DHRS12: variants seen among roughly 807,000 people sequenced by gnomAD.
DHRS12 encodes dehydrogenase/reductase 12, also known as dehydrogenase/reductase SDR family member 12.
DHRS12 carries 29 observed loss-of-function variants against 32.1 expected under a neutral mutation model. The observed-to-expected ratio is 0.90, with a 90% confidence interval of 0.67 to 1.23. The LOEUF is 1.23. DHRS12 is among the 50% of genes most tolerant of loss of function. The pLI is 0.00. For missense variants in DHRS12, 330 were observed against 337.2 expected, an observed-to-expected ratio of 0.98 and a Z score of 0.17; for synonymous variants, 150 against 135.9, an observed-to-expected ratio of 1.10 and a Z score of -0.72.
At chr13:51,774,456 TGTATTCTCCTACA>T (rs1187207425) in intron 5 of DHRS12, 108 of 95,710 alleles carry the variant, frequency 1.1e-3, no homozygotes, top group Non-Finnish European at 1.5e-3. Context: ...CTACAGTACA[TGTATTCTCCTACA>T]GTATTCTCCT....
chr13:51,793,458 A>G (rs1391157682), intron 2 of DHRS12, among the ~76,000 whole-genome samples: 1 of 152,180 alleles, frequency 6.6e-6, no homozygotes, highest in Non-Finnish European at 1.5e-5. Context: ...ATTTATTTCT[A>G]CTCATCTTAA....
chr13:51,755,686 T>A, the DHRS12 span, among the ~76,000 whole-genome samples: 5 of 152,316 alleles, frequency 3.3e-5, no homozygotes, highest in African/African-American at 1.2e-4. Flanking sequence ...GATGTGATTT[T>A]AGAATTCTGT....
intron 8 of DHRS12, 125 bp downstream of exon 8, chr13:51,769,031 A>C (rs1023433414): frequency 9.6e-6 from 14 of 1,457,956 alleles, no homozygotes; most frequent in African/African-American, 4.4e-5. Flanking sequence ...CTCGCCAAAG[A>C]AGCCCAGGCA....
the DHRS12 span, chr13:51,755,210 T>C: frequency 1.4e-6 from 1 of 713,034 alleles, no homozygotes; most frequent in Non-Finnish European, 2.4e-6. Context: ...AGGCATTCAG[T>C]AAATATTTTT....
In DHRS12 at chr13:51,791,207, T is replaced by G; in HGVS notation, c.177A>C (p.Lys59Asn). ...GTTCCTGCTTGAAATTTTCAACAAATTTCCAGATTTGCTTGGGATCAGACA... is the reference window on the plus strand; with the variant it reads ...GTTCCTGCTTGAAATTTTCAACAAAGTTCCAGATTTGCTTGGGATCAGACA... ...VDLSDPKQIWKFVENFKQEHK... is the reference protein window; with the variant it reads ...VDLSDPKQIWNFVENFKQEHK... The change falls in exon 3 of 9, where the codon AAA becomes AAC. Residue 59 changes from lysine (K) to asparagine (N), a missense_variant. By Grantham distance (94) the Lys-to-Asn change is moderately conservative. Coordinates refer to ENST00000444610, the MANE Select transcript of DHRS12 (RefSeq NM_001377533.1). 1 of 1,581,984 alleles carries G rather than the reference T, an allele frequency of 6.3e-7. No homozygotes were observed. The highest frequency in any genetic ancestry group is 8.6e-7 in the Non-Finnish European group (1 of 1,162,406).
At chr13:51,774,490 CCTA>C (rs1408010959) in intron 5 of DHRS12, 1 of 66,502 alleles carries the variant, frequency 1.5e-5, no homozygotes, top group Non-Finnish European at 2.6e-5. Flanking sequence ...ACAGTATTCT[CCTA>C]CATGTATTCT....
chr13:51,801,683 A>G (rs924946385), intron 1 of DHRS12, among the ~76,000 whole-genome samples: 1 of 152,156 alleles, frequency 6.6e-6, no homozygotes, highest in Non-Finnish European at 1.5e-5. Context: ...CGGTAGAGGC[A>G]AGGGCCTGAG....
chr13:51,800,818 A>T (rs1955720158), intron 1 of DHRS12, among the ~76,000 whole-genome samples: 1 of 152,268 alleles, frequency 6.6e-6, no homozygotes, highest in Admixed American at 6.5e-5. Flanking sequence ...TTAAGAGAAC[A>T]AGAAAAATGT....
Position 51,771,902 on chromosome 13 carries a change from C to A in DHRS12, c.478G>T (p.Val160Leu). The change falls in exon 7 of 9, where the codon GTG becomes TTG. Residue 160 changes from valine (V) to leucine (L), a missense_variant. Transcript: ENST00000444610. ...MVYAQNKRQQ[V>L]VLTERWAQGH... ...TGGGCCCACCGCTCCGTCAGAACCA[C>A]TTGCTGCCTCTGGACAGGAAGGAGC... is the stretch of plus-strand genomic sequence containing the variant. 1 of 1,614,100 alleles carries A rather than the reference C, an allele frequency of 6.2e-7. No individual in the cohort carries two copies.
At chr13:51,781,908 G>A (rs1008783136) in intron 4 of DHRS12, among the ~76,000 whole-genome samples, 1 of 152,206 alleles carries the variant, frequency 6.6e-6, no homozygotes, top group Non-Finnish European at 1.5e-5. Flanking sequence ...GTGGGTACAG[G>A]AGGGCACCTA....
chr13:51,769,396 A>T, intron 7 of DHRS12, 103 bp from the exon 8 acceptor site: 1 of 957,748 alleles, frequency 1.0e-6, no homozygotes, highest in Non-Finnish European at 1.5e-6. Flanking sequence ...ATGAAATGGG[A>T]TCATAAACTG....
downstream of DHRS12, chr13:51,763,979 T>C (rs1352109471): frequency 6.6e-6 from 1 of 152,228 alleles, no homozygotes; most frequent in Non-Finnish European, 1.5e-5. Flanking sequence ...TCAGTGTTCT[T>C]GTTCACTAAG....
At chr13:51,799,815 T>C (rs1955670132) in intron 1 of DHRS12, 148 bp from the exon 2 acceptor site, 1 of 883,968 alleles carries the variant, frequency 1.1e-6, no homozygotes, top group South Asian at 1.9e-5. Context: ...TTGCCCTCCC[T>C]GCTCTCACAA....
At chr13:51,790,567 C>T (rs1298030069) in intron 3 of DHRS12, among the ~76,000 whole-genome samples, 2 of 152,088 alleles carry the variant, frequency 1.3e-5, no homozygotes, top group Non-Finnish European at 1.5e-5. Context: ...CTAATTTATA[C>T]ACTTACACCA....
chr13:51,794,792 GTTT>G (rs34797291), intron 2 of DHRS12, among the ~76,000 whole-genome samples: 1 of 146,986 alleles, frequency 6.8e-6, no homozygotes, highest in South Asian at 2.1e-4. Context: ...TAAAATAGAA[GTTT>G]TTTTTTTTTT....
chr13:51,768,371 G>C (rs1434479734), intron 8 of DHRS12, 75 bp from the exon 9 acceptor site: 9 of 1,525,282 alleles, frequency 5.9e-6, no homozygotes, highest in Non-Finnish European at 7.9e-6. Context: ...GTGCTGCTCA[G>C]GCCTTGAACC....
intron 1 of DHRS12, among the ~76,000 whole-genome samples, chr13:51,801,279 C>G (rs1361165841): frequency 6.6e-6 from 1 of 152,160 alleles, no homozygotes; most frequent in South Asian, 2.1e-4. Flanking sequence ...CTCCGCCTCC[C>G]GGGTTCAAGT....
chr13:51,755,610 G>C, the DHRS12 span: 1 of 731,674 alleles, frequency 1.4e-6, no homozygotes, highest in East Asian at 2.7e-5. Flanking sequence ...AATTTACTCT[G>C]TCTACCATAG....
At position 51,782,836 on chromosome 13, in the gene DHRS12, G is replaced by A. The variant is rs1439483240; in HGVS notation, c.302-5715C>T. Among the ~76,000 whole-genome samples the A allele has an allele frequency of 6.6e-6, 1 of 152,212 alleles. No homozygotes were observed. Among genetic ancestry groups the A allele is most frequent in the Non-Finnish European group, 1.5e-5 (1 of 68,032 alleles). The stretch of plus-strand genomic sequence containing the variant: ...ATTGTGTTTCTAAAACTCCTCAAAT[G>A]AATGTTTGTTACCAGCACACCTTTA... On this transcript the variant is annotated intron_variant, in intron 4 of 8. Coordinates refer to ENST00000444610, the MANE Select transcript of DHRS12 (RefSeq NM_001377533.1). This position sits in a 1 kb window ranked among gnomAD's most constrained non-coding sequence, Gnocchi z 4.2.
Sources: gnomAD v4.1 joint callset for allele counts (sites outside exome capture counted in the v4.1 genomes callset) on GRCh38, gnomAD v4.1.1 for gene constraint, Gnocchi (gnomAD v3.1) non-coding constraint, MANE v1.5 for transcripts, NCBI Gene and HGNC (gene_info 2026-07-23, HGNC 2026-07-21) for gene names.